HMOX1: variants seen among roughly 807,000 people sequenced by gnomAD.
The protein encoded by HMOX1 is heat shock protein, 32-kD.
In HMOX1, 22 loss-of-function variants were observed where a neutral mutation model predicts 27.8. The observed-to-expected ratio is 0.79, with a 90% CI of 0.57 to 1.13. HMOX1 has a LOEUF of 1.13. Among genes scored for constraint, HMOX1 ranks in the 50% most tolerant of loss-of-function variants. The pLI, the probability that HMOX1 is intolerant of heterozygous loss-of-function variation, is 0.00. For missense variants in HMOX1, 379 were observed against 377.7 expected (o/e 1.00, Z -0.03); for synonymous variants, 153 against 151.6 (o/e 1.01, Z -0.07).
In HMOX1 at chr22:35,386,762, C is replaced by T. The variant is rs148073049; in HGVS notation, c.222C>T (p.Phe74=). The stretch of plus-strand genomic sequence containing the variant: ...AGCGCAACAAGGAGAGCCCAGTCTT[C>T]GCCCCTGTCTACTTCCCAGAAGAGC... ...EIERNKESPV[F]APVYFPEELH... The change falls in exon 3 of 5, where the codon TTC becomes TTT. Residue 74 remains phenylalanine, a synonymous_variant. Transcript: ENST00000216117. 146 of 1,614,220 alleles carry T rather than the reference C, an allele frequency of 9.0e-5. No individual in the cohort carries two copies. Among genetic ancestry groups the T allele is most frequent in the Admixed American group, 3.7e-4 (22 of 60,028 alleles).
intron 2 of HMOX1, 34 bp from the exon 3 acceptor site, chr22:35,386,651 G>T (rs940961756): frequency 6.2e-6 from 10 of 1,613,754 alleles, no homozygotes; most frequent in Non-Finnish European, 8.5e-6. Context: ...TCTTCTATGT[G>T]GCTGGCGGCC....
In HMOX1 at chr22:35,383,153, TGCACACCCAG is replaced by T. The variant is rs1931422681; in HGVS notation, c.75_84del (p.His25GlnfsTer7). ...GCCCTGAAGGAGGCCACCAAGGAGG[TGCACACCCAG>T]GCAGAGAATGCTGAGTTCATGAGGA... On this transcript the variant is annotated frameshift_variant, in exon 2 of 5. Coordinates refer to ENST00000216117, the MANE Select transcript of HMOX1 (RefSeq NM_002133.3). LOFTEE classifies it high-confidence loss of function. 2 of 1,613,386 alleles carry T rather than the reference TGCACACCCAG, an allele frequency of 1.2e-6. No individual in the cohort carries two copies. The highest frequency in any genetic ancestry group is 1.7e-6 in the Non-Finnish European group (2 of 1,179,780).
At chr22:35,381,379 A>G in intron 1 of HMOX1, 183 bp downstream of exon 1, 1 of 670,678 alleles carries the variant, frequency 1.5e-6, no homozygotes, top group East Asian at 2.8e-5. Context: ...GGAGGGAGGA[A>G]CGGTAATTTA....
In HMOX1 at chr22:35,386,750, G is replaced by A; in HGVS notation, c.210G>A (p.Glu70=). 6.2e-7 allele frequency: 1 copy of A among 1,614,212 alleles called. No homozygotes were observed. The highest frequency in any genetic ancestry group is 1.1e-5 in the South Asian group (1 of 91,084). The change falls in exon 3 of 5, where the codon GAG becomes GAA. Residue 70 remains glutamate (E), a synonymous_variant. Transcript: ENST00000216117. ...ALEEEIERNK[E]SPVFAPVYFP... ...AGGAGGAGATTGAGCGCAACAAGGA[G>A]AGCCCAGTCTTCGCCCCTGTCTACT...
intron 2 of HMOX1, 103 bp from the exon 3 acceptor site, chr22:35,386,582 T>C (rs1198719384): frequency 1.4e-6 from 2 of 1,457,118 alleles, no homozygotes; most frequent in African/African-American, 1.4e-5. Flanking sequence ...AGAGCCCAGC[T>C]GCGAAGTGAG....
Position 35,386,928 on chromosome 22 carries a change from G to T in HMOX1, c.388G>T (p.Val130Leu), listed in dbSNP as rs1182041236. The change falls in exon 3 of 5, where the codon GTG (valine) becomes TTG (leucine). Residue 130 changes from valine (V) to leucine (L), a missense_variant. Val to Leu is a conservative substitution (Grantham distance 32). Transcript: ENST00000216117. ...EVGRTEPELLVAHAYTRYLGD... is the reference protein window; with the variant it reads ...EVGRTEPELLLAHAYTRYLGD... ...GGGGCGCACAGAGCCCGAGCTGCTG[G>T]TGGCCCACGCCTACACCCGCTACCT... is the stretch of plus-strand genomic sequence containing the variant. 3 of 1,613,950 alleles carry T rather than the reference G, an allele frequency of 1.9e-6. No homozygotes were observed. In the South Asian group the frequency reaches 3.3e-5, roughly 18 times the overall value.
rs1171180974 is a variant in HMOX1 at position 35,389,440 on chromosome 22, C to CTTTCTTTCT, written c.637-412_637-404dup. Among the ~76,000 whole-genome samples, 721 of 109,750 alleles carry CTTTCTTTCT rather than the reference C, an allele frequency of 6.6e-3. 16 individuals carry two copies. The highest frequency in any genetic ancestry group is 0.01 in the Non-Finnish European group (577 of 56,960). 72.0% of individuals were successfully genotyped at this position (109,750 alleles called of 152,430 possible). A position where few individuals can be genotyped will look rare whatever the true frequency, so the allele number is the denominator to read the frequency against. Reference sequence around the variant, plus strand: ...TCTTTCTTTCTTTCTATCTTTCTTTCTTTCTTTCTTTTCTTTCTTTCTTGC... The same window carrying CTTTCTTTCT: ...TCTTTCTTTCTTTCTATCTTTCTTTCTTTCTTTCTTTTCTTTCTTTTCTTTCTTTCTTGC... On this transcript the variant is annotated intron_variant, in intron 3 of 4. Coordinates refer to ENST00000216117, the MANE Select transcript of HMOX1 (RefSeq NM_002133.3).
chr22:35,391,292 GT>G (rs1159744982), intron 4 of HMOX1, among the ~76,000 whole-genome samples: 2,656 of 75,598 alleles, frequency 0.035, 73 homozygotes, highest in African/African-American at 0.09. Flanking sequence ...TATTTTTTTG[GT>G]TTTTTTTTTT....
At chr22:35,388,151 A>C (rs754633454) in intron 3 of HMOX1, among the ~76,000 whole-genome samples, 6 of 152,108 alleles carry the variant, frequency 3.9e-5, no homozygotes, top group Non-Finnish European at 5.9e-5. Flanking sequence ...TTTTTAAAAG[A>C]AAAGGGATTT....
Position 35,383,165 on chromosome 22 carries a change from C to T in HMOX1, c.83C>T (p.Ala28Val), listed in dbSNP as rs764534101. 1 of 1,613,862 alleles carries T rather than the reference C, an allele frequency of 6.2e-7. No individual in the cohort carries two copies. The highest frequency in any genetic ancestry group is 8.5e-7 in the Non-Finnish European group (1 of 1,179,818). The change falls in exon 2 of 5, where the codon GCA (alanine) becomes GTA (valine). Residue 28 changes from alanine (A) to valine (V), a missense_variant. By Grantham distance (64) the Ala-to-Val change is moderately conservative (BLOSUM62 0). Transcript: ENST00000216117. ...GCCACCAAGGAGGTGCACACCCAGG[C>T]AGAGAATGCTGAGTTCATGAGGAAC... is the stretch of plus-strand genomic sequence containing the variant. ...KEATKEVHTQ[A>V]ENAEFMRNFQ...
intron 3 of HMOX1, among the ~76,000 whole-genome samples, chr22:35,389,506 G>A (rs892346122): frequency 1.3e-5 from 2 of 149,450 alleles, no homozygotes; most frequent in African/African-American, 2.5e-5. Flanking sequence ...GCAATGGGGC[G>A]ATCTTGGCTC....
chr22:35,383,908 G>A (rs768473430), intron 2 of HMOX1, among the ~76,000 whole-genome samples: 4 of 151,896 alleles, frequency 2.6e-5, no homozygotes, highest in African/African-American at 4.8e-5. Context: ...AGCACTTGAT[G>A]AAGAACCGGG....
chr22:35,391,742 T>A (rs1227855008), intron 4 of HMOX1, among the ~76,000 whole-genome samples: 1 of 150,394 alleles, frequency 6.6e-6, no homozygotes. Flanking sequence ...TATAGGCACG[T>A]GCCACCACAC....
At chr22:35,388,768 G>A (rs1931572580) in intron 3 of HMOX1, among the ~76,000 whole-genome samples, 1 of 151,328 alleles carries the variant, frequency 6.6e-6, no homozygotes, top group Admixed American at 6.6e-5. Flanking sequence ...CTGCACTCCA[G>A]CCTGGGAGAC....
chr22:35,385,850 C>G (rs1931488620), intron 2 of HMOX1, among the ~76,000 whole-genome samples: 1 of 151,996 alleles, frequency 6.6e-6, no homozygotes. Flanking sequence ...CCAGGCTGGT[C>G]TCGAACTCCT....
intron 2 of HMOX1, among the ~76,000 whole-genome samples, chr22:35,386,089 G>C (rs1431225135): frequency 2.0e-5 from 3 of 152,048 alleles, no homozygotes; most frequent in African/African-American, 7.2e-5. Context: ...CTGAGTAGCT[G>C]GAACTACAGG....
At position 35,381,103 on chromosome 22, in the gene HMOX1, G is replaced by T; in HGVS notation, c.-71G>T. 1 of 1,527,462 alleles carries T rather than the reference G, an allele frequency of 6.5e-7. No homozygotes were observed. Among genetic ancestry groups the T allele is most frequent in the South Asian group, 1.2e-5 (1 of 83,782 alleles). The allele number at this position is 1,527,462 out of a possible 1,614,324, so 94.6% of individuals were successfully genotyped here. On this transcript the variant is annotated 5_prime_UTR_variant, in exon 1 of 5. Transcript: ENST00000216117. The stretch of plus-strand genomic sequence containing the variant: ...GCCGCGGCTCCGGCAGTCAACGCCT[G>T]CCTCCTCTCGAGCGTCCTCAGCGCA...
intron 3 of HMOX1, among the ~76,000 whole-genome samples, chr22:35,389,194 T>C (rs1931587118): frequency 1.6e-5 from 2 of 124,376 alleles, no homozygotes; most frequent in African/African-American, 7.6e-5. Context: ...ATGAATTTTC[T>C]TTCTTTCTTT....
Position 35,393,482 on chromosome 22 carries a change from G to A in HMOX1, c.751G>A (p.Glu251Lys). 1 of 1,614,166 alleles carries A rather than the reference G, an allele frequency of 6.2e-7. No individual in the cohort carries two copies. Among genetic ancestry groups the A allele is most frequent in the Non-Finnish European group, 8.5e-7 (1 of 1,180,026 alleles). Residue 251 changes from glutamate to lysine, a missense_variant, in exon 5 of 5, where the codon GAG becomes AAG. Glu to Lys is a moderately conservative substitution (Grantham distance 56, BLOSUM62 1). Transcript: ENST00000216117. ...SNKVQDSAPV[E>K]TPRGKPPLNT... The stretch of plus-strand genomic sequence containing the variant: ...TTCTCTTTCAGATTCTGCCCCCGTG[G>A]AGACTCCCAGAGGGAAGCCCCCACT...
Sources: allele counts gnomAD v4.1 joint callset (sites outside exome capture counted in the v4.1 genomes callset), GRCh38; gene constraint gnomAD v4.1.1; transcripts MANE v1.5; gene names NCBI Gene and HGNC (gene_info 2026-07-23, HGNC 2026-07-21).